GASK1A: variants seen among roughly 807,000 people sequenced by gnomAD.
GASK1A encodes the protein golgi associated kinase 1A.
A neutral mutation model predicts 41.2 loss-of-function variants in GASK1A; 40 were observed. The ratio of observed to expected loss-of-function variants is 0.97; its 90% CI spans 0.75 to 1.27. GASK1A has a LOEUF of 1.27. Among genes scored for constraint, GASK1A ranks in the 50% most tolerant of loss-of-function variants. The probability of loss-of-function intolerance (pLI) is 0.00; values close to 1 mark genes in which losing one functional copy is unlikely to be tolerated. For missense variants in GASK1A, 678 were observed against 745.1 expected (o/e 0.91, Z 1.05); for synonymous variants, 316 against 307.1 (o/e 1.03, Z -0.30).
chr3:42,998,320 G>A (rs1398231228), intron 1 of GASK1A, among the ~76,000 whole-genome samples: 4 of 152,146 alleles, frequency 2.6e-5, no homozygotes, highest in Non-Finnish European at 5.9e-5. Context: ...CAGGGCAAGC[G>A]ATGCAGACGC....
chr3:43,003,037 T>C (rs369764441), intron 1 of GASK1A, among the ~76,000 whole-genome samples: 1 of 152,242 alleles, frequency 6.6e-6, no homozygotes, highest in South Asian at 2.1e-4. Flanking sequence ...ATTTGATTAA[T>C]TTATTTCTGC....
chr3:42,996,284 T>G (rs995714091), intron 1 of GASK1A, among the ~76,000 whole-genome samples: 6 of 152,236 alleles, frequency 3.9e-5, no homozygotes, highest in Non-Finnish European at 8.8e-5. Flanking sequence ...TGACTGAACT[T>G]AACTTTGCAT....
chr3:43,016,123 C>T (rs1415738681), intron 1 of GASK1A, among the ~76,000 whole-genome samples: 7 of 150,012 alleles, frequency 4.7e-5, no homozygotes, highest in Admixed American at 3.3e-4. Context: ...TGTGAAGCCC[C>T]GGGAAGGGGC....
At chr3:43,050,549 C>A (rs1400047084) in intron 2 of GASK1A, among the ~76,000 whole-genome samples, 6 of 151,250 alleles carry the variant, frequency 4.0e-5, no homozygotes, top group South Asian at 2.1e-4. Context: ...ACGTGTAGAT[C>A]AATGCTTTTC....
chr3:42,989,980 C>T (rs150581535), intron 1 of GASK1A, among the ~76,000 whole-genome samples: 2 of 152,174 alleles, frequency 1.3e-5, no homozygotes, highest in East Asian at 1.9e-4. Flanking sequence ...GTGCTCCCAG[C>T]GTTAGACTCA....
Position 42,984,340 on chromosome 3 carries a change from C to A in GASK1A, c.3+4695C>A, listed in dbSNP as rs542569805. On this transcript the variant is annotated intron_variant, in intron 1 of 4. Transcript: ENST00000430121. This position sits in a 1 kb window ranked among gnomAD's most constrained non-coding sequence, Gnocchi z 4.2. Reference sequence around the variant, plus strand: ...TCTCTCTCTCTCACACACACACACGCTGACTTTCACACATCACACATATAC... The same window carrying A: ...TCTCTCTCTCTCACACACACACACGATGACTTTCACACATCACACATATAC... Among the ~76,000 whole-genome samples, 140 of 152,196 alleles carry A rather than the reference C, an allele frequency of 9.2e-4. 1 individual carries two copies. The highest frequency in any genetic ancestry group is 3.2e-3 in the African/African-American group (133 of 41,538).
intron 3 of GASK1A, among the ~76,000 whole-genome samples, chr3:43,054,662 T>C (rs2089707636): frequency 6.6e-6 from 1 of 152,038 alleles, no homozygotes; most frequent in African/African-American, 2.4e-5. Context: ...TGGAGGCTAT[T>C]TGGGAAAGGA....
intron 1 of GASK1A, 75 bp from the exon 2 acceptor site, chr3:43,032,192 C>A: frequency 8.3e-7 from 1 of 1,200,660 alleles, no homozygotes; most frequent in Non-Finnish European, 1.1e-6. Flanking sequence ...CATTTGCTTA[C>A]CATCCCCATT....
In GASK1A at chr3:43,032,334, T is replaced by A; in HGVS notation, c.71T>A (p.Ile24Asn). 1 of 1,551,058 alleles carries A rather than the reference T, an allele frequency of 6.4e-7. No homozygotes were observed. The highest frequency in any genetic ancestry group is 2.4e-5 in the East Asian group (1 of 40,886). ...RPVIAFCLLM[I>N]LSAMAVTRFP... ...GTGATAGCGTTCTGCCTCTTGATGA[T>A]CCTATCTGCGATGGCTGTCACCCGC... Residue 24 changes from isoleucine (I) to asparagine (N), a missense_variant, in exon 2 of 5, where the codon ATC becomes AAC. Physicochemically the swap from Ile to Asn is moderately radical, Grantham distance 149. Coordinates refer to ENST00000430121, the MANE Select transcript of GASK1A (RefSeq NM_001129908.3).
intron 1 of GASK1A, among the ~76,000 whole-genome samples, chr3:43,013,476 C>T (rs1385801078): frequency 1.3e-5 from 2 of 151,242 alleles, no homozygotes; most frequent in Middle Eastern, 3.4e-3. Flanking sequence ...CAGCAAGGGG[C>T]TGTGTCAAGT....
chr3:43,023,239 A>G lies in GASK1A; in HGVS notation c.4-9028A>G, dbSNP rs920847914. Among the ~76,000 whole-genome samples the G allele has an allele frequency of 4.6e-5, 7 of 152,292 alleles. No homozygotes were observed. The South Asian group carries it at 1.5e-3, about 32-fold the overall frequency. On this transcript the variant is annotated intron_variant, in intron 1 of 4. Transcript: ENST00000430121. ...AGGCGGAGACTGGAGTGATGTGACT[A>G]CAAGACAAGGAATGCCGACAGCCAC... is the stretch of plus-strand genomic sequence containing the variant.
intron 1 of GASK1A, among the ~76,000 whole-genome samples, chr3:43,015,907 C>T (rs958103035): frequency 2.4e-4 from 36 of 150,218 alleles, no homozygotes; most frequent in African/African-American, 8.4e-4. Flanking sequence ...CAGGGAGGGG[C>T]AGTGTGAAGC....
chr3:42,990,650 C>T (rs1158855259), intron 1 of GASK1A, among the ~76,000 whole-genome samples: 1 of 152,204 alleles, frequency 6.6e-6, no homozygotes, highest in Non-Finnish European at 1.5e-5. Flanking sequence ...TACTTAATGA[C>T]AGTCATTGAC....
At chr3:42,993,540 A>G (rs6807814) in intron 1 of GASK1A, among the ~76,000 whole-genome samples, 1 of 151,932 alleles carries the variant, frequency 6.6e-6, no homozygotes, top group Non-Finnish European at 1.5e-5. Context: ...TTTTCATTTT[A>G]TACAATAAAA....
rs2089268918 is a variant in GASK1A, at chr3:42,979,539, G to A, written c.-104G>A. 2.5e-6 allele frequency: 3 copies of A among 1,188,720 alleles called. No homozygotes were observed. Among genetic ancestry groups the A allele is most frequent in the African/African-American group, 1.6e-5 (1 of 63,536 alleles). The allele number at this position is 1,188,720 out of a possible 1,614,324, so 73.6% of individuals were successfully genotyped here. A position where few individuals can be genotyped will look rare whatever the true frequency, so the allele number is the denominator to read the frequency against. On this transcript the variant is annotated 5_prime_UTR_variant, in exon 1 of 5. Transcript: ENST00000430121. Reference sequence around the variant, plus strand: ...CCCAGCCGAGTAGCCGCGCATCCTGGGAAGCCTGGCGAGCCACGGCGCCGG... The same window carrying A: ...CCCAGCCGAGTAGCCGCGCATCCTGAGAAGCCTGGCGAGCCACGGCGCCGG...
In GASK1A at chr3:43,008,674, C is replaced by G. The variant is rs78895563; in HGVS notation, c.4-23593C>G. 1.1e-3 allele frequency among the ~76,000 whole-genome samples: 174 copies of G among 152,332 alleles called. 4 individuals carry two copies. The East Asian group carries it at 0.031, about 27-fold the overall frequency. On this transcript the variant is annotated intron_variant, in intron 1 of 4. Coordinates refer to ENST00000430121, the MANE Select transcript of GASK1A (RefSeq NM_001129908.3). Reference sequence around the variant, plus strand: ...AGGCATCTGCCCAGGAATGCTTTCGCCCTCACCAGGACTCTACAGGTGTGT... The same window carrying G: ...AGGCATCTGCCCAGGAATGCTTTCGGCCTCACCAGGACTCTACAGGTGTGT...
intron 1 of GASK1A, among the ~76,000 whole-genome samples, chr3:43,018,450 A>G (rs2089505605): frequency 6.6e-6 from 1 of 152,130 alleles, no homozygotes; most frequent in Admixed American, 6.5e-5. Context: ...CTGGGGCACC[A>G]TCTGGTTGTG....
intron 1 of GASK1A, among the ~76,000 whole-genome samples, chr3:43,011,172 A>G (rs2089461655): frequency 6.6e-6 from 1 of 152,174 alleles, no homozygotes; most frequent in Non-Finnish European, 1.5e-5. Context: ...TCACGAGGTC[A>G]GGAGATCAAG....
intron 1 of GASK1A, among the ~76,000 whole-genome samples, chr3:42,993,710 G>C (rs775524422): frequency 7.9e-5 from 12 of 152,096 alleles, no homozygotes; most frequent in Non-Finnish European, 1.8e-4. Context: ...TCTTTCCCCA[G>C]CCTCTACTCC....
Sources: gnomAD v4.1 joint callset for allele counts (sites outside exome capture counted in the v4.1 genomes callset) on GRCh38, gnomAD v4.1.1 for gene constraint, Gnocchi (gnomAD v3.1) non-coding constraint, MANE v1.5 for transcripts, NCBI Gene and HGNC (gene_info 2026-07-23, HGNC 2026-07-21) for gene names.